Variants in CADPS2 observed in about 807,000 individuals in gnomAD.
CADPS2 encodes the protein calcium-dependent secretion activator 2.
In CADPS2, 93 loss-of-function variants were observed where a neutral mutation model predicts 172.5. The observed-to-expected ratio is 0.54, with a 90% confidence interval of 0.46 to 0.64. The LOEUF (loss-of-function observed/expected upper bound fraction) is 0.64, where lower values mean the gene tolerates loss of function less well. CADPS2 is among the 30% of genes least tolerant of loss of function. CADPS2 has a pLI of 0.00. For missense variants in CADPS2, 1,420 were observed against 1,565.9 expected (o/e 0.91, Z 1.57); for synonymous variants, 546 against 555.2 (o/e 0.98, Z 0.23).
At chr7:122,647,319 C>T (rs1162974830) in intron 3 of CADPS2, among the ~76,000 whole-genome samples, 2 of 152,122 alleles carry the variant, frequency 1.3e-5, no homozygotes, top group Non-Finnish European at 2.9e-5. Flanking sequence ...AATCCTATTG[C>T]TCTTCATATC....
chr7:122,402,993 C>T (rs1227406814), intron 20 of CADPS2, among the ~76,000 whole-genome samples: 3 of 152,076 alleles, frequency 2.0e-5, no homozygotes, highest in East Asian at 1.9e-4. Context: ...TCAAGGGGTA[C>T]TAAAAGAATA....
chr7:122,388,338 A>G (rs1403721905), intron 23 of CADPS2, among the ~76,000 whole-genome samples: 1 of 152,004 alleles, frequency 6.6e-6, no homozygotes, highest in South Asian at 2.1e-4. Flanking sequence ...TAAAGAAACC[A>G]TTAATATGGT....
At chr7:122,843,583 G>C (rs569591940) in intron 1 of CADPS2, among the ~76,000 whole-genome samples, 2 of 152,292 alleles carry the variant, frequency 1.3e-5, no homozygotes, top group South Asian at 2.1e-4. Context: ...CAAACAATGA[G>C]TCCAGTTCTT....
At chr7:122,815,990 A>G (rs1008360390) in intron 1 of CADPS2, among the ~76,000 whole-genome samples, 1 of 152,198 alleles carries the variant, frequency 6.6e-6, no homozygotes, top group African/African-American at 2.4e-5. Context: ...GATATCCATC[A>G]TCTCAGGTAT....
intron 2 of CADPS2, among the ~76,000 whole-genome samples, chr7:122,734,387 G>GAAAAAAAAAAAAA (rs768675808): frequency 2.2e-5 from 2 of 90,800 alleles, no homozygotes; most frequent in Non-Finnish European, 4.2e-5. Context: ...AAAAAAAAAA[G>GAAAAAAAAAAAAA]AAAAAAAAAA....
intron 1 of CADPS2, among the ~76,000 whole-genome samples, chr7:122,808,024 C>T (rs1009633976): frequency 1.3e-5 from 2 of 152,162 alleles, no homozygotes; most frequent in Non-Finnish European, 2.9e-5. Context: ...GCACAGTACC[C>T]TTCCAACATA....
At chr7:122,348,099 C>T (rs1249213488) in intron 27 of CADPS2, among the ~76,000 whole-genome samples, 1 of 152,184 alleles carries the variant, frequency 6.6e-6, no homozygotes, top group Non-Finnish European at 1.5e-5. Flanking sequence ...GTCTTTACTA[C>T]TATTTCTCCC....
intron 3 of CADPS2, among the ~76,000 whole-genome samples, chr7:122,657,346 A>G (rs2079933103): frequency 2.0e-5 from 3 of 152,136 alleles, no homozygotes; most frequent in South Asian, 2.1e-4. Context: ...TTCTGTGAAG[A>G]AAGTCATTGG....
chr7:122,327,893 G>T (rs1224280774), intron 28 of CADPS2, among the ~76,000 whole-genome samples: 1 of 151,916 alleles, frequency 6.6e-6, no homozygotes, highest in Non-Finnish European at 1.5e-5. Flanking sequence ...ACAATAAATT[G>T]TTCTATCAGC....
intron 1 of CADPS2, among the ~76,000 whole-genome samples, chr7:122,747,335 G>A (rs769974564): frequency 2.6e-4 from 40 of 152,076 alleles, no homozygotes; most frequent in African/African-American, 2.7e-4. Flanking sequence ...ACCCTTTACC[G>A]TCCTACAAAA....
In CADPS2 at chr7:122,481,532, G is replaced by A. The variant is rs979989324; in HGVS notation, c.1853-672C>T. Among the ~76,000 whole-genome samples the A allele has an allele frequency of 2.0e-5, 3 of 152,012 alleles. 1 individual carries two copies. The highest frequency in any genetic ancestry group is 2.0e-4 in the Admixed American group (3 of 15,246). ...AGGTGGGCAGATAACCTGAGGTCAG[G>A]AGTTCAAGACCAGCCTGGCCAACGT... On this transcript the variant is annotated intron_variant, in intron 11 of 29. Coordinates refer to ENST00000449022, the MANE Select transcript of CADPS2 (RefSeq NM_017954.11).
intron 3 of CADPS2, among the ~76,000 whole-genome samples, chr7:122,650,550 G>A (rs983832971): frequency 1.3e-5 from 2 of 152,044 alleles, no homozygotes; most frequent in Admixed American, 1.3e-4. Flanking sequence ...AATAAATACA[G>A]GAATGTCTAA....
intron 2 of CADPS2, among the ~76,000 whole-genome samples, chr7:122,723,689 C>A (rs570293292): frequency 6.6e-6 from 1 of 152,076 alleles, no homozygotes; most frequent in South Asian, 2.1e-4. Context: ...TATATACCCA[C>A]AGGATTATAA....
chr7:122,752,706 T>G (rs1210397603), intron 1 of CADPS2, among the ~76,000 whole-genome samples: 1 of 152,074 alleles, frequency 6.6e-6, no homozygotes, highest in Non-Finnish European at 1.5e-5. Context: ...TATGGTATTG[T>G]CTTCAGAACT....
intron 25 of CADPS2, among the ~76,000 whole-genome samples, chr7:122,375,169 A>AT (rs761593353): frequency 2.0e-5 from 3 of 152,062 alleles, no homozygotes; most frequent in Middle Eastern, 3.4e-3. Flanking sequence ...TCCTAATGGC[A>AT]TTTTTTTTAA....
chr7:122,385,663 A>C (rs7811610), intron 24 of CADPS2, among the ~76,000 whole-genome samples: 4,370 of 152,120 alleles, frequency 0.029, 220 homozygotes, highest in African/African-American at 0.1. Context: ...TTTAGGACGA[A>C]CTGTTGTGGA....
intron 2 of CADPS2, among the ~76,000 whole-genome samples, chr7:122,704,431 G>A (rs2136353378): frequency 6.6e-6 from 1 of 151,918 alleles, no homozygotes; most frequent in East Asian, 1.9e-4. Context: ...TCATTAAGAA[G>A]ACGGTTTAAC....
intron 1 of CADPS2, among the ~76,000 whole-genome samples, chr7:122,784,111 T>C (rs1299508980): frequency 6.6e-6 from 1 of 152,204 alleles, no homozygotes; most frequent in Non-Finnish European, 1.5e-5. Flanking sequence ...AATAAGATTA[T>C]AACTTCCATT....
intron 8 of CADPS2, among the ~76,000 whole-genome samples, chr7:122,514,116 C>T (rs549654304): frequency 4.5e-4 from 68 of 152,008 alleles, no homozygotes; most frequent in Non-Finnish European, 9.1e-4. Context: ...TTAGTGTGAC[C>T]ATGTTGTGGA....
Sources: allele counts gnomAD v4.1 joint callset (sites outside exome capture counted in the v4.1 genomes callset), GRCh38; gene constraint gnomAD v4.1.1; transcripts MANE v1.5; gene names NCBI Gene and HGNC (gene_info 2026-07-23, HGNC 2026-07-21).